ZNF697: variants seen among roughly 807,000 people sequenced by gnomAD.
ZNF697 encodes the protein zinc finger protein 697.
In ZNF697, 23 loss-of-function variants were observed where a neutral mutation model predicts 32.4. That is an observed-to-expected ratio of 0.71 (90% CI 0.51 to 1.01). The LOEUF (loss-of-function observed/expected upper bound fraction) is 1.01. Among genes scored for constraint, ZNF697 ranks in the 50% least tolerant of loss-of-function variants. ZNF697 has a pLI of 0.00. For missense variants in ZNF697, 930 were observed against 794.0 expected (o/e 1.17, Z -2.06); for synonymous variants, 418 against 337.2 (o/e 1.24, Z -2.62).
chr1:119,629,119 T>G (rs1334212147), intron 1 of ZNF697, among the ~76,000 whole-genome samples: 4 of 152,218 alleles, frequency 2.6e-5, no homozygotes, highest in Non-Finnish European at 5.9e-5. Flanking sequence ...GTACACACAT[T>G]CTTAACCAGA....
In ZNF697 at chr1:119,625,932, T is replaced by G. The variant is rs769605177; in HGVS notation, c.169A>C (p.Met57Leu). ...CTTGAGTCCTGTGGGTTGGAGCCCA[T>G]CTCCGGCTCCGGATGGCCTTCTCTC... ...NKREGHPEPE[M>L]GSNPQDSRHR... is the part of the protein sequence containing the mutation. Residue 57 changes from methionine to leucine, a missense_variant, in exon 2 of 3, where the codon ATG becomes CTG. Physicochemically the swap from Met to Leu is conservative, Grantham distance 15. Coordinates refer to ENST00000421812, the MANE Select transcript of ZNF697 (RefSeq NM_001080470.2). 1 of 1,613,986 alleles carries G rather than the reference T, an allele frequency of 6.2e-7. No homozygotes were observed. Among genetic ancestry groups the G allele is most frequent in the Non-Finnish European group, 8.5e-7 (1 of 1,179,856 alleles).
Position 119,624,011 on chromosome 1 carries a change from C to G in ZNF697, c.332G>C (p.Ser111Thr). ...GTCCTCCCGGAGGCTCCGGGATATG[C>G]TGTCAGACTCAGACAGTCCTGGGAA... ...AMFPGLSESD[S>T]ISRSLREDDD... Residue 111 changes from serine to threonine, a missense_variant, in exon 3 of 3, where the codon AGC becomes ACC. Transcript: ENST00000421812. 1 of 1,613,226 alleles carries G rather than the reference C, an allele frequency of 6.2e-7. No individual in the cohort carries two copies. Among genetic ancestry groups the G allele is most frequent in the Non-Finnish European group, 8.5e-7 (1 of 1,179,664 alleles).
At position 119,648,208 on chromosome 1, in the gene ZNF697, G is replaced by GGCTGGCTGGCTGGCTGGCTC. The variant is rs1553230572; in HGVS notation, c.-556_-555insGAGCCAGCCAGCCAGCCAGC. ...TGGCCCGCTGGCTGGCTGGTTGGCT[G>GGCTGGCTGGCTGGCTGGCTC]GCTGGCTGGCTGGCTGGCTGGCTGG... On this transcript the variant is annotated 5_prime_UTR_variant, in exon 1 of 3. Coordinates refer to ENST00000421812, the MANE Select transcript of ZNF697 (RefSeq NM_001080470.2). Among the ~76,000 whole-genome samples, 2 of 146,276 alleles carry GGCTGGCTGGCTGGCTGGCTC rather than the reference G, an allele frequency of 1.4e-5. No homozygotes were observed. The highest frequency in any genetic ancestry group is 5.5e-5 in the African/African-American group (2 of 36,550).
chr1:119,642,112 C>T (rs1045489308), intron 1 of ZNF697, among the ~76,000 whole-genome samples: 1 of 152,094 alleles, frequency 6.6e-6, no homozygotes, highest in South Asian at 2.1e-4. Flanking sequence ...TGATAGAAGC[C>T]AATATGAAAA....
chr1:119,619,575 A>T lies in ZNF697; in HGVS notation c.*3130T>A, dbSNP rs1648245526. ...TCACACGAAACCTGTTACTTTTAGG[A>T]TCATTAAATTATTCACTATTTTAAC... On this transcript the variant is annotated 3_prime_UTR_variant, in exon 3 of 3. Transcript: ENST00000421812. 6.5e-6 allele frequency: 1 copy of T among 152,706 alleles called. No homozygotes were observed. Among genetic ancestry groups the T allele is most frequent in the South Asian group, 2.1e-4 (1 of 4,836 alleles). 9.5% of individuals were successfully genotyped at this position (152,706 alleles called of 1,614,324 possible).
In ZNF697 at chr1:119,648,202, T is replaced by TTGGTTGGCTGGCTGGCTGGC. The variant is rs1649272078; in HGVS notation, c.-550_-549insGCCAGCCAGCCAGCCAACCA. Reference sequence around the variant, plus strand: ...GCTGGGTGGCCCGCTGGCTGGCTGGTTGGCTGGCTGGCTGGCTGGCTGGCT... The same window carrying TTGGTTGGCTGGCTGGCTGGC: ...GCTGGGTGGCCCGCTGGCTGGCTGGTTGGTTGGCTGGCTGGCTGGCTGGCTGGCTGGCTGGCTGGCTGGCT... On this transcript the variant is annotated 5_prime_UTR_variant, in exon 1 of 3. Coordinates refer to ENST00000421812, the MANE Select transcript of ZNF697 (RefSeq NM_001080470.2). Among the ~76,000 whole-genome samples the TTGGTTGGCTGGCTGGCTGGC allele has an allele frequency of 1.1e-4, 16 of 150,298 alleles. No homozygotes were observed. The highest frequency in any genetic ancestry group is 1.6e-4 in the Non-Finnish European group (11 of 67,328).
At position 119,623,891 on chromosome 1, in the gene ZNF697, C is replaced by T. The variant is rs200524376; in HGVS notation, c.452G>A (p.Ser151Asn). 3.2e-6 allele frequency: 5 copies of T among 1,547,648 alleles called. No individual in the cohort carries two copies. The African/African-American group carries it at 6.8e-5, about 21-fold the overall frequency. The part of the protein sequence containing the change: ...LPWRRHLSLG[S>N]RHRGDKPAHR... The stretch of plus-strand genomic sequence containing the variant: ...GGCGGGCTTGTCACCTCGGTGCCGA[C>T]TCCCCAGGGAGAGATGTCGCCTCCA... Residue 151 changes from serine to asparagine, a missense_variant, in exon 3 of 3, where the codon AGT becomes AAT. By Grantham distance (46) the Ser-to-Asn change is conservative. Transcript: ENST00000421812.
At chr1:119,624,450 A>G (rs755687675) in intron 2 of ZNF697, among the ~76,000 whole-genome samples, 21 of 152,232 alleles carry the variant, frequency 1.4e-4, no homozygotes, top group Non-Finnish European at 2.4e-4. Context: ...GCCAGGTGGG[A>G]CACTACGTAA....
chr1:119,623,819 C>G lies in ZNF697; in HGVS notation c.524G>C (p.Gly175Ala), dbSNP rs1477478872. 1 of 1,547,260 alleles carries G rather than the reference C, an allele frequency of 6.5e-7. No homozygotes were observed. Among genetic ancestry groups the G allele is most frequent in the Admixed American group, 2.0e-5 (1 of 50,980 alleles). Residue 175 changes from glycine (G) to alanine (A), a missense_variant, in exon 3 of 3, where the codon GGG (glycine) becomes GCG (alanine). Physicochemically the swap from Gly to Ala is moderately conservative, Grantham distance 60. Coordinates refer to ENST00000421812, the MANE Select transcript of ZNF697 (RefSeq NM_001080470.2). ...RLHHPMAVDL[G>A]ELDSLVASIM... ...GCTGGCCACCAGGCTATCCAGCTCC[C>G]CGAGGTCCACGGCCATGGGGTGGTG...
Position 119,641,648 on chromosome 1 carries a change from G to A in ZNF697, c.-38+6043C>T, listed in dbSNP as rs376707606. On this transcript the variant is annotated intron_variant, in intron 1 of 2. Coordinates refer to ENST00000421812, the MANE Select transcript of ZNF697 (RefSeq NM_001080470.2). The stretch of plus-strand genomic sequence containing the variant: ...GAATTGTAGTTCCCGTAATCCCCTC[G>A]TGTCATGGAAGGGACCAGATGGGAG... 8.5e-5 allele frequency among the ~76,000 whole-genome samples: 13 copies of A among 152,214 alleles called. No homozygotes were observed. In the South Asian group the frequency reaches 2.1e-3, roughly 24 times the overall value.
intron 1 of ZNF697, among the ~76,000 whole-genome samples, chr1:119,632,060 T>C (rs12068218): frequency 6.6e-6 from 1 of 152,032 alleles, no homozygotes; most frequent in African/African-American, 2.4e-5. Context: ...TTGTCCATCT[T>C]CAGCACCAAC....
Position 119,626,032 on chromosome 1 carries a change from A to G in ZNF697, c.69T>C (p.Asp23=). 3 of 1,613,952 alleles carry G rather than the reference A, an allele frequency of 1.9e-6. No individual in the cohort carries two copies. Among genetic ancestry groups the G allele is most frequent in the Non-Finnish European group, 2.5e-6 (3 of 1,179,872 alleles). ...QDSEDKGMGS[D]FEDSEDREGD... ...CTTCCCTGTCCTCAGAGTCCTCAAA[A>G]TCAGAACCCATCCCTTTGTCTTCTG... The change falls in exon 2 of 3, where the codon GAT becomes GAC. Residue 23 remains aspartate, a synonymous_variant. Transcript: ENST00000421812.
chr1:119,626,111 A>G lies in ZNF697; in HGVS notation c.-11T>C, dbSNP rs754185706. 2.0e-5 allele frequency: 32 copies of G among 1,613,730 alleles called. No individual in the cohort carries two copies. The Admixed American group carries it at 3.0e-4, about 15-fold the overall frequency. On this transcript the variant is annotated 5_prime_UTR_variant, in exon 2 of 3. Coordinates refer to ENST00000421812, the MANE Select transcript of ZNF697 (RefSeq NM_001080470.2). The stretch of plus-strand genomic sequence containing the variant: ...ATCTTCTTGTTTCATCCAGGAAGAA[A>G]AGAGCAAGGGAGGTGACCAGGAATC...
At position 119,622,880 on chromosome 1, in the gene ZNF697, G is replaced by T; in HGVS notation, c.1463C>A (p.Thr488Lys). ...STLTQHQRTH[T>K]GEKPYTCIEC... ...GATGCACGTGTAGGGCTTCTCGCCC[G>T]TGTGCGTGCGCTGGTGCTGCGTGAG... The change falls in exon 3 of 3, where the codon ACG (threonine) becomes AAG (lysine). Residue 488 changes from threonine to lysine, a missense_variant. Thr to Lys is a moderately conservative substitution (Grantham distance 78). Transcript: ENST00000421812. 6.2e-7 allele frequency: 1 copy of T among 1,610,212 alleles called. No individual in the cohort carries two copies. Among genetic ancestry groups the T allele is most frequent in the Non-Finnish European group, 8.5e-7 (1 of 1,178,194 alleles).
intron 1 of ZNF697, among the ~76,000 whole-genome samples, chr1:119,640,495 A>G (rs929374265): frequency 1.3e-5 from 2 of 152,228 alleles, no homozygotes; most frequent in African/African-American, 2.4e-5. Flanking sequence ...ACCATTCTCA[A>G]AAAAGAATTC....
intron 1 of ZNF697, among the ~76,000 whole-genome samples, chr1:119,631,550 G>A (rs1195359607): frequency 6.6e-6 from 1 of 152,238 alleles, no homozygotes; most frequent in Admixed American, 6.5e-5. Context: ...CCGACCAGCA[G>A]GGACGGCCAG....
intron 1 of ZNF697, among the ~76,000 whole-genome samples, chr1:119,645,692 A>G (rs1291820664): frequency 1.3e-5 from 2 of 152,178 alleles, no homozygotes; most frequent in African/African-American, 4.8e-5. Context: ...AGAATTTTAA[A>G]TCCCAAAGTA....
chr1:119,626,519 C>G (rs587703878), intron 1 of ZNF697, among the ~76,000 whole-genome samples: 1 of 152,304 alleles, frequency 6.6e-6, no homozygotes, highest in African/African-American at 2.4e-5. Flanking sequence ...AACTTATAAG[C>G]AGTAGAGTGG....
chr1:119,641,749 T>C (rs1649081907), intron 1 of ZNF697, among the ~76,000 whole-genome samples: 1 of 152,206 alleles, frequency 6.6e-6, no homozygotes, highest in African/African-American at 2.4e-5. Context: ...CTGATGGTTT[T>C]ATAAGGAGCT....
Sources: allele counts gnomAD v4.1 joint callset (sites outside exome capture counted in the v4.1 genomes callset), GRCh38; gene constraint gnomAD v4.1.1; transcripts MANE v1.5; gene names NCBI Gene and HGNC (gene_info 2026-07-23, HGNC 2026-07-21).